CORO2A: variants seen among roughly 807,000 people sequenced by gnomAD.
The protein encoded by CORO2A is coronin 2A.
Under a neutral mutation model 62.4 loss-of-function variants are expected in CORO2A, and 47 were observed. The ratio of observed to expected loss-of-function variants is 0.75; its 90% CI spans 0.60 to 0.96. The LOEUF is 0.96. Among genes scored for constraint, CORO2A ranks in the 40% least tolerant of loss-of-function variants. The probability of loss-of-function intolerance (pLI) is 0.00; values close to 1 mark genes in which losing one functional copy is unlikely to be tolerated. For missense variants in CORO2A, 610 were observed against 684.1 expected (o/e 0.89, Z 1.21); for synonymous variants, 273 against 268.9 (o/e 1.02, Z -0.15).
intron 5 of CORO2A, 115 bp downstream of exon 5, chr9:98,132,923 G>T: frequency 8.4e-7 from 1 of 1,194,486 alleles, no homozygotes; most frequent in Non-Finnish European, 1.2e-6. Context: ...TGCTGCCTGT[G>T]AAGGCGCAGC....
chr9:98,189,123 C>G (rs79692530), intron 1 of CORO2A, among the ~76,000 whole-genome samples: 2,913 of 152,224 alleles, frequency 0.019, 46 homozygotes, highest in Middle Eastern at 0.044. Context: ...TAGGCTGAAC[C>G]AAATGAAATT....
intron 2 of CORO2A, among the ~76,000 whole-genome samples, chr9:98,142,541 C>T (rs1827584762): frequency 6.6e-6 from 1 of 152,246 alleles, no homozygotes; most frequent in Non-Finnish European, 1.5e-5. Context: ...TAGACTCTGG[C>T]CCAGGGCCAT....
chr9:98,186,801 G>A (rs1828244188), intron 1 of CORO2A, among the ~76,000 whole-genome samples: 2 of 151,968 alleles, frequency 1.3e-5, no homozygotes, highest in African/African-American at 4.8e-5. Context: ...AAATATATAA[G>A]CCCAGGGTCA....
intron 1 of CORO2A, among the ~76,000 whole-genome samples, chr9:98,171,878 G>T (rs10985302): frequency 0.16 from 23,652 of 152,016 alleles, 2,151 homozygotes; most frequent in East Asian, 0.38. Context: ...GCATCAAAGT[G>T]TGTAACTGGG....
At chr9:98,148,560 CA>C (rs1827678270) in intron 2 of CORO2A, among the ~76,000 whole-genome samples, 1 of 151,728 alleles carries the variant, frequency 6.6e-6, no homozygotes, top group African/African-American at 2.4e-5. Flanking sequence ...AGCAACATAG[CA>C]AAACCTCACC....
intron 2 of CORO2A, among the ~76,000 whole-genome samples, chr9:98,145,190 C>T (rs1248007831): frequency 1.3e-5 from 2 of 152,134 alleles, no homozygotes; most frequent in East Asian, 3.9e-4. Context: ...ACTTGGTCAC[C>T]TGTGGGGACA....
chr9:98,154,885 C>T (rs1401024239), intron 2 of CORO2A, among the ~76,000 whole-genome samples: 1 of 152,174 alleles, frequency 6.6e-6, no homozygotes, highest in Non-Finnish European at 1.5e-5. Flanking sequence ...ACAAACAATG[C>T]TACTATGCAC....
At chr9:98,135,892 C>T (rs1244588745) in intron 3 of CORO2A, among the ~76,000 whole-genome samples, 2 of 152,110 alleles carry the variant, frequency 1.3e-5, no homozygotes, top group Non-Finnish European at 2.9e-5. Flanking sequence ...GCATAGAACC[C>T]CGGGAGGAAG....
chr9:98,168,469 G>T (rs2118903725), intron 1 of CORO2A, among the ~76,000 whole-genome samples: 1 of 152,326 alleles, frequency 6.6e-6, no homozygotes, highest in African/African-American at 2.4e-5. Flanking sequence ...CCATTTTTAA[G>T]ATAAGGAAAC....
At chr9:98,150,925 C>G (rs1400770176) in intron 2 of CORO2A, among the ~76,000 whole-genome samples, 2 of 152,182 alleles carry the variant, frequency 1.3e-5, no homozygotes, top group Admixed American at 6.5e-5. Context: ...CCCCAGCATT[C>G]AAGGCTCTGC....
chr9:98,178,855 T>C (rs1406775479), intron 1 of CORO2A, among the ~76,000 whole-genome samples: 1 of 152,212 alleles, frequency 6.6e-6, no homozygotes, highest in Non-Finnish European at 1.5e-5. Context: ...GCTCAAAGGA[T>C]GGCAGAAATG....
At chr9:98,131,202 T>C in intron 6 of CORO2A, 143 bp from the exon 7 acceptor site, 2 of 613,372 alleles carry the variant, frequency 3.3e-6, no homozygotes, top group Non-Finnish European at 5.9e-6. Context: ...TATATGTGTG[T>C]GCGGGGGGAA....
intron 7 of CORO2A, 151 bp from the exon 8 acceptor site, chr9:98,130,041 G>T: frequency 1.6e-6 from 1 of 615,656 alleles, no homozygotes; most frequent in Non-Finnish European, 2.9e-6. Flanking sequence ...TGGGGGCCCT[G>T]TCATCAAGGC....
chr9:98,180,617 C>T (rs754862569), intron 1 of CORO2A, among the ~76,000 whole-genome samples: 1 of 152,120 alleles, frequency 6.6e-6, no homozygotes, highest in African/African-American at 2.4e-5. Flanking sequence ...CTTCTTTTGA[C>T]TGCACAGTGA....
intron 1 of CORO2A, among the ~76,000 whole-genome samples, chr9:98,170,733 GAGCC>G (rs1424922781): frequency 9.2e-5 from 14 of 152,150 alleles, no homozygotes; most frequent in Non-Finnish European, 1.6e-4. Context: ...GTGAGCCACT[GAGCC>G]TGGCCGAGAA....
At chr9:98,154,354 C>CAA (rs1827773960) in intron 2 of CORO2A, among the ~76,000 whole-genome samples, 2 of 48,548 alleles carry the variant, frequency 4.1e-5, no homozygotes, top group Admixed American at 2.0e-4. Context: ...TATATATATA[C>CAA]ACAAATACAT....
chr9:98,159,898 A>C (rs1827860609), intron 1 of CORO2A, among the ~76,000 whole-genome samples: 1 of 152,088 alleles, frequency 6.6e-6, no homozygotes, highest in Non-Finnish European at 1.5e-5. Context: ...GGCTGGGCCT[A>C]CGCTGGTCAA....
intron 4 of CORO2A, among the ~76,000 whole-genome samples, 154 bp downstream of exon 4, chr9:98,134,652 G>T (rs552507323): frequency 3.9e-5 from 6 of 152,320 alleles, no homozygotes; most frequent in Admixed American, 3.9e-4. Context: ...GGCATGGAAG[G>T]ATTCTTCCCT....
At chr9:98,180,309 C>T (rs933892855) in intron 1 of CORO2A, among the ~76,000 whole-genome samples, 4 of 152,164 alleles carry the variant, frequency 2.6e-5, no homozygotes, top group Non-Finnish European at 4.4e-5. Flanking sequence ...CTATCCACCA[C>T]TCTGTATGAC....
Sources: gnomAD v4.1 joint callset for allele counts (sites outside exome capture counted in the v4.1 genomes callset) on GRCh38, gnomAD v4.1.1 for gene constraint, MANE v1.5 for transcripts, NCBI Gene and HGNC (gene_info 2026-07-23, HGNC 2026-07-21) for gene names.